Variants in AIG1 observed in about 807,000 individuals in gnomAD.
AIG1 encodes the protein androgen-induced gene 1 protein.
Under a neutral mutation model 31.4 loss-of-function variants are expected in AIG1, and 23 were observed. That is an observed-to-expected ratio of 0.73 (90% CI 0.53 to 1.04). The LOEUF is 1.04. Among genes scored for constraint, AIG1 ranks in the 50% least tolerant of loss-of-function variants. The pLI is 0.00. For synonymous variants in AIG1, 100 were observed against 110.5 expected, an observed-to-expected ratio of 0.90 and a Z score of 0.60; for missense variants, 274 against 295.0, an observed-to-expected ratio of 0.93 and a Z score of 0.52.
chr6:143,321,554 C>T (rs1776210571), intron 4 of AIG1, among the ~76,000 whole-genome samples: 1 of 151,840 alleles, frequency 6.6e-6, no homozygotes, highest in Non-Finnish European at 1.5e-5. Context: ...GCCGAGGTCA[C>T]TTGTCCAGCC....
chr6:143,275,193 A>C (rs560034407), intron 3 of AIG1, among the ~76,000 whole-genome samples: 2 of 152,240 alleles, frequency 1.3e-5, no homozygotes, highest in African/African-American at 4.8e-5. Flanking sequence ...GGCTGCAGAG[A>C]GGTGAGGAAG....
At chr6:143,066,327 T>C (rs1776707724) in intron 1 of AIG1, among the ~76,000 whole-genome samples, 1 of 151,706 alleles carries the variant, frequency 6.6e-6, no homozygotes, top group Admixed American at 6.6e-5. Context: ...CCCAGGCGAG[T>C]GCAGTGGTGA....
chr6:143,146,838 A>G (rs1784757797), intron 2 of AIG1, among the ~76,000 whole-genome samples: 1 of 152,202 alleles, frequency 6.6e-6, no homozygotes, highest in Non-Finnish European at 1.5e-5. Context: ...TGATTTGCTT[A>G]TTTTACCACA....
rs116833551 is a variant in AIG1, at chr6:143,336,781, G to A, written c.680-2858G>A. On this transcript the variant is annotated intron_variant, in intron 5 of 5. Coordinates refer to ENST00000357847, the MANE Select transcript of AIG1 (RefSeq NM_016108.4). ...AAATTGGGTATGCGTGACACTCAGG[G>A]TATGAGTCATCCTGAAGCAAAATTG... Among the ~76,000 whole-genome samples, 170 of 152,268 alleles carry A rather than the reference G, an allele frequency of 1.1e-3. 1 individual carries two copies. Among genetic ancestry groups the A allele is most frequent in the African/African-American group, 3.9e-3 (164 of 41,546 alleles).
At chr6:143,305,898 A>T (rs1225460630) in intron 4 of AIG1, among the ~76,000 whole-genome samples, 6 of 151,920 alleles carry the variant, frequency 3.9e-5, no homozygotes, top group East Asian at 1.9e-4. Flanking sequence ...GCTTTATGAA[A>T]CTGGGTGCTC....
At chr6:143,300,562 A>G (rs1798754514) in intron 4 of AIG1, among the ~76,000 whole-genome samples, 1 of 152,220 alleles carries the variant, frequency 6.6e-6, no homozygotes, top group Admixed American at 6.5e-5. Context: ...CCTTTTCAAA[A>G]GAAAAAATTA....
chr6:143,154,534 A>C (rs929803793), intron 2 of AIG1, among the ~76,000 whole-genome samples: 4 of 152,170 alleles, frequency 2.6e-5, no homozygotes, highest in African/African-American at 9.7e-5. Context: ...AGAAAAAAAA[A>C]GTTAGTACCA....
At position 143,327,758 on chromosome 6, in the gene AIG1, T is replaced by C. The variant is rs1776732865; in HGVS notation, c.516-5524T>C. On this transcript the variant is annotated intron_variant, in intron 4 of 5. Transcript: ENST00000357847. The surrounding 1 kb of genome is among the most constrained non-coding windows in gnomAD (Gnocchi z 5.3). ...ATGAAAGAGAGGGAAGTATCAAAGA[T>C]GACTTGCAATGTTTGAGTTACAAAA... The C allele has an allele frequency of 1.8e-5, 3 of 162,830 alleles. No individual in the cohort carries two copies. The highest frequency in any genetic ancestry group is 7.3e-5 in the African/African-American group (3 of 41,358). 10.1% of individuals were successfully genotyped at this position (162,830 alleles called of 1,614,324 possible).
At chr6:143,142,614 A>G (rs1400625489) in intron 2 of AIG1, among the ~76,000 whole-genome samples, 1 of 152,168 alleles carries the variant, frequency 6.6e-6, no homozygotes, top group Non-Finnish European at 1.5e-5. Context: ...ATGGGTGTCC[A>G]GGTTATTAGG....
At chr6:143,261,225 G>T (rs1027893721) in intron 3 of AIG1, among the ~76,000 whole-genome samples, 2 of 152,096 alleles carry the variant, frequency 1.3e-5, no homozygotes, top group African/African-American at 4.8e-5. Context: ...TCCGCCTCCC[G>T]GGTTGAAGCG....
intron 4 of AIG1, among the ~76,000 whole-genome samples, chr6:143,317,071 A>G (rs1385929823): frequency 6.6e-6 from 1 of 152,166 alleles, no homozygotes; most frequent in African/African-American, 2.4e-5. Flanking sequence ...GCTGAATTCT[A>G]TCAGACATTC....
At chr6:143,144,597 T>G (rs1164826245) in intron 2 of AIG1, among the ~76,000 whole-genome samples, 4 of 152,194 alleles carry the variant, frequency 2.6e-5, no homozygotes, top group Non-Finnish European at 5.9e-5. Context: ...AATGAGGTAT[T>G]CAGTTGCAAG....
chr6:143,091,783 CAATT>C (rs2128476474), intron 1 of AIG1, among the ~76,000 whole-genome samples: 1 of 152,246 alleles, frequency 6.6e-6, no homozygotes, highest in African/African-American at 2.4e-5. Flanking sequence ...CAAATATTAT[CAATT>C]AATTAATCCC....
chr6:143,112,748 A>G (rs1415099174), intron 1 of AIG1, among the ~76,000 whole-genome samples: 1 of 152,042 alleles, frequency 6.6e-6, no homozygotes. Context: ...CTCCAGGAAA[A>G]CTCCTGGCAA....
intron 1 of AIG1, among the ~76,000 whole-genome samples, chr6:143,073,069 G>C (rs1324315617): frequency 6.6e-6 from 1 of 152,004 alleles, no homozygotes; most frequent in Non-Finnish European, 1.5e-5. Context: ...CCACTGTTTT[G>C]TTTTCTATCT....
intron 1 of AIG1, among the ~76,000 whole-genome samples, chr6:143,103,580 T>C (rs1343965154): frequency 1.4e-5 from 2 of 139,670 alleles, no homozygotes; most frequent in African/African-American, 5.4e-5. Context: ...GGATCTCGGC[T>C]CACTGCAAGC....
chr6:143,226,164 G>A lies in AIG1; in HGVS notation c.400-57946G>A, dbSNP rs544738528. Among the ~76,000 whole-genome samples, 131 of 152,004 alleles carry A rather than the reference G, an allele frequency of 8.6e-4. 1 individual carries two copies. Among genetic ancestry groups the A allele is most frequent in the East Asian group, 1.5e-3 (8 of 5,180 alleles). On this transcript the variant is annotated intron_variant, in intron 3 of 5. Transcript: ENST00000357847. ...TTGTTTGTCTTACAAAAGTGCTCAG[G>A]TATAATGACAAGAGTCACATCTGTT...
chr6:143,342,770 ACGTC>A, downstream of AIG1: 1 of 813,182 alleles, frequency 1.2e-6, no homozygotes, highest in Non-Finnish European at 2.2e-6. Context: ...ATAGCTGCAA[ACGTC>A]CTTGTATTCT....
At position 143,154,649 on chromosome 6, in the gene AIG1, G is replaced by A. The variant is rs551237073; in HGVS notation, c.298-10433G>A. ...TCCCACCTCCACCAAAAATGAGTGC[G>A]TGTCAAAGCTGGTGAAACCCGAATT... is the stretch of plus-strand genomic sequence containing the variant. On this transcript the variant is annotated intron_variant, in intron 2 of 5. Transcript: ENST00000357847. Among the ~76,000 whole-genome samples the A allele has an allele frequency of 4.5e-4, 68 of 152,278 alleles. 1 individual carries two copies. Among genetic ancestry groups the A allele is most frequent in the African/African-American group, 1.5e-3 (63 of 41,530 alleles).
Sources: gnomAD v4.1 joint callset for allele counts (sites outside exome capture counted in the v4.1 genomes callset) on GRCh38, gnomAD v4.1.1 for gene constraint, Gnocchi (gnomAD v3.1) non-coding constraint, MANE v1.5 for transcripts, NCBI Gene and HGNC (gene_info 2026-07-23, HGNC 2026-07-21) for gene names.